The following DCAF5 variants were observed in gnomAD, a reference collection of about 807,000 sequenced individuals.
The protein encoded by DCAF5 is DDB1 and CUL4 associated factor 5.
A neutral mutation model predicts 80.7 loss-of-function variants in DCAF5; 9 were observed. The observed-to-expected ratio is 0.11, with a 90% CI of 0.07 to 0.19. The LOEUF (loss-of-function observed/expected upper bound fraction) is 0.19. DCAF5 is among the 10% of genes least tolerant of loss of function. The pLI is 1.00. For synonymous variants in DCAF5, 433 were observed against 461.9 expected (o/e 0.94, Z 0.80); for missense variants, 842 against 1,205.7 (o/e 0.70, Z 4.47).
intron 6 of DCAF5, 127 bp from the exon 7 acceptor site, chr14:69,075,538 G>C (rs1037402842): frequency 4.6e-6 from 2 of 438,292 alleles, no homozygotes; most frequent in Admixed American, 9.0e-5. Flanking sequence ...CTGGAATACA[G>C]TGGTGCAATC....
intron 7 of DCAF5, among the ~76,000 whole-genome samples, chr14:69,071,717 T>C (rs955724398): frequency 6.6e-6 from 1 of 152,200 alleles, no homozygotes; most frequent in African/African-American, 2.4e-5. Context: ...AAGAGTTTCC[T>C]GACAAAATTT....
At chr14:69,084,577 T>G in intron 6 of DCAF5, 1 of 785,076 alleles carries the variant, frequency 1.3e-6, no homozygotes, top group East Asian at 2.4e-5. Context: ...TGGATGGTCT[T>G]GAGCAGGGAT....
chr14:69,090,292 T>C (rs1452084857), intron 6 of DCAF5: 3 of 197,732 alleles, frequency 1.5e-5, no homozygotes. Flanking sequence ...AGAAACTGTT[T>C]CTTCCCACCC....
In DCAF5 at chr14:69,055,405, G is replaced by A. The variant is rs894544978; in HGVS notation, c.1281C>T (p.Ile427=). ...AFFDSLVRRE[I]EGWSSDSDSD... ...TGTCTGAGTCAGAGCTCCAGCCCTC[G>A]ATCTCTCGGCGTACCAGTGAGTCAA... Residue 427 remains isoleucine (I), a synonymous_variant, in exon 9 of 9, where the codon ATC becomes ATT. Coordinates refer to ENST00000341516, the MANE Select transcript of DCAF5 (RefSeq NM_003861.3). The surrounding 1 kb of genome is among the most constrained non-coding windows in gnomAD (Gnocchi z 5.6). The A allele has an allele frequency of 3.7e-6, 6 of 1,614,028 alleles. No individual in the cohort carries two copies. In the African/African-American group the frequency reaches 4.0e-5, roughly 11 times the overall value.
chr14:69,084,423 A>G, intron 6 of DCAF5: 1 of 893,390 alleles, frequency 1.1e-6, no homozygotes, highest in African/African-American at 1.6e-5. Flanking sequence ...GAATTAAAAC[A>G]AATTATTAAA....
intron 7 of DCAF5, among the ~76,000 whole-genome samples, chr14:69,063,303 T>C (rs1397898353): frequency 6.6e-6 from 1 of 152,212 alleles, no homozygotes; most frequent in African/African-American, 2.4e-5. Context: ...GATAAACATG[T>C]TATCATTTAT....
At chr14:69,080,539 TTC>T (rs1319224584) in intron 6 of DCAF5, among the ~76,000 whole-genome samples, 2 of 152,328 alleles carry the variant, frequency 1.3e-5, no homozygotes, top group South Asian at 2.1e-4. Flanking sequence ...GCACAGGTTT[TTC>T]TCTCTGTCTT....
chr14:69,126,867 A>G (rs938926273), intron 1 of DCAF5, among the ~76,000 whole-genome samples: 1 of 152,226 alleles, frequency 6.6e-6, no homozygotes, highest in Non-Finnish European at 1.5e-5. Flanking sequence ...CATAAAAATG[A>G]ATTTAGATAC....
chr14:69,128,008 A>G lies in DCAF5; in HGVS notation c.215-5648T>C, dbSNP rs575972112. Among the ~76,000 whole-genome samples, 26 of 152,270 alleles carry G rather than the reference A, an allele frequency of 1.7e-4. 1 individual carries two copies. The South Asian group carries it at 5.0e-3, about 29-fold the overall frequency. ...TAATGGCATTATGGTTATGTTAAAA[A>G]AGAAAAAAATCCTTATCAATTAGAG... On this transcript the variant is annotated intron_variant, in intron 1 of 8. Transcript: ENST00000341516.
At chr14:69,128,383 AC>A (rs2040938591) in intron 1 of DCAF5, among the ~76,000 whole-genome samples, 1 of 152,082 alleles carries the variant, frequency 6.6e-6, no homozygotes, top group Non-Finnish European at 1.5e-5. Flanking sequence ...ACAGGATTTC[AC>A]CATGTTGCCC....
At position 69,114,726 on chromosome 14, in the gene DCAF5, A is replaced by G. The variant is rs578124543; in HGVS notation, c.665+1640T>C. On this transcript the variant is annotated intron_variant, in intron 5 of 8. Coordinates refer to ENST00000341516, the MANE Select transcript of DCAF5 (RefSeq NM_003861.3). ...TAAAACCCCCAAACCAATAAATGTC[A>G]CTGTAAAAATACAATAATCATCATC... 1.4e-3 allele frequency among the ~76,000 whole-genome samples: 214 copies of G among 152,292 alleles called. 5 individuals are homozygous for G. In the South Asian group the frequency reaches 0.028, roughly 20 times the overall value.
chr14:69,124,033 T>C (rs903956816), intron 1 of DCAF5, among the ~76,000 whole-genome samples: 1 of 152,148 alleles, frequency 6.6e-6, no homozygotes. Flanking sequence ...CTCTATGGAT[T>C]TGTCTACTCT....
intron 5 of DCAF5, among the ~76,000 whole-genome samples, chr14:69,096,283 C>G (rs1046264548): frequency 6.6e-5 from 10 of 152,172 alleles, no homozygotes; most frequent in African/African-American, 1.9e-4. Flanking sequence ...ACTGAAACCT[C>G]CAGAGGGAAC....
In DCAF5 at chr14:69,050,930, A is replaced by G. The variant is rs1044694754; in HGVS notation, c.*2927T>C. The G allele has an allele frequency of 6.5e-6, 1 of 152,688 alleles. No individual in the cohort carries two copies. Among genetic ancestry groups the G allele is most frequent in the Non-Finnish European group, 1.5e-5 (1 of 68,048 alleles). The allele number at this position is 152,688 out of a possible 1,614,324, so 9.5% of individuals were successfully genotyped here. ...GAGAAGAGGAAGACGTGAGAAGTGAATAATAGGTTTATTTGCATATACACA... is the reference window on the plus strand; with the variant it reads ...GAGAAGAGGAAGACGTGAGAAGTGAGTAATAGGTTTATTTGCATATACACA... On this transcript the variant is annotated 3_prime_UTR_variant, in exon 9 of 9. Coordinates refer to ENST00000341516, the MANE Select transcript of DCAF5 (RefSeq NM_003861.3).
chr14:69,110,634 G>C (rs1387860629), intron 5 of DCAF5, among the ~76,000 whole-genome samples: 1 of 151,904 alleles, frequency 6.6e-6, no homozygotes, highest in East Asian at 1.9e-4. Context: ...CTAGCACTTC[G>C]GTAGGATGAG....
intron 5 of DCAF5, among the ~76,000 whole-genome samples, chr14:69,106,280 T>G (rs951524507): frequency 3.3e-5 from 5 of 152,070 alleles, no homozygotes; most frequent in African/African-American, 1.2e-4. Context: ...GGTCTCAAAC[T>G]CCTGACCTCA....
At chr14:69,104,633 A>G (rs2040071137) in intron 5 of DCAF5, among the ~76,000 whole-genome samples, 3 of 152,216 alleles carry the variant, frequency 2.0e-5, no homozygotes, top group South Asian at 4.1e-4. Flanking sequence ...AGGTGGGTGG[A>G]TCACTTGAGG....
intron 5 of DCAF5, among the ~76,000 whole-genome samples, chr14:69,096,825 T>G (rs1027070914): frequency 6.6e-6 from 1 of 152,186 alleles, no homozygotes; most frequent in South Asian, 2.1e-4. Context: ...GAAATAACAA[T>G]TTTCATAAAT....
At chr14:69,071,575 G>A (rs2139885665) in intron 7 of DCAF5, among the ~76,000 whole-genome samples, 1 of 141,576 alleles carries the variant, frequency 7.1e-6, no homozygotes, top group Admixed American at 7.0e-5. Flanking sequence ...AAGGTACACA[G>A]AGAATATGAG....
Sources: gnomAD v4.1 joint callset for allele counts (sites outside exome capture counted in the v4.1 genomes callset) on GRCh38, gnomAD v4.1.1 for gene constraint, Gnocchi (gnomAD v3.1) non-coding constraint, MANE v1.5 for transcripts, NCBI Gene and HGNC (gene_info 2026-07-23, HGNC 2026-07-21) for gene names.